MRPS27: variants seen among roughly 807,000 people sequenced by gnomAD.
MRPS27 encodes the protein mitochondrial ribosomal protein S27.
In MRPS27, 43 loss-of-function variants were observed where a neutral mutation model predicts 48.9. The observed-to-expected ratio is 0.88, with a 90% CI of 0.69 to 1.13. MRPS27 has a LOEUF of 1.13. Among genes scored for constraint, MRPS27 ranks in the 50% most tolerant of loss-of-function variants. The pLI, the probability that MRPS27 is intolerant of heterozygous loss-of-function variation, is 0.00. For synonymous variants in MRPS27, 188 were observed against 171.9 expected, an observed-to-expected ratio of 1.09 and a Z score of -0.73; for missense variants, 467 against 476.3, an observed-to-expected ratio of 0.98 and a Z score of 0.18.
intron 2 of MRPS27, among the ~76,000 whole-genome samples, chr5:72,303,673 G>T (rs1378077334): frequency 1.3e-5 from 2 of 151,964 alleles, no homozygotes; most frequent in Non-Finnish European, 2.9e-5. Context: ...ATAAAATCCA[G>T]AAAATAGAAT....
intron 4 of MRPS27, among the ~76,000 whole-genome samples, chr5:72,287,678 C>T (rs537999188): frequency 2.6e-5 from 4 of 152,194 alleles, no homozygotes; most frequent in Middle Eastern, 3.4e-3. Context: ...ACAAAAGATT[C>T]GAACACTTTA....
intron 4 of MRPS27, among the ~76,000 whole-genome samples, chr5:72,271,305 T>A (rs1183405446): frequency 1.3e-5 from 2 of 152,150 alleles, no homozygotes; most frequent in African/African-American, 4.8e-5. Flanking sequence ...TGGGTCAAGA[T>A]ACAAAAATCA....
At position 72,288,910 on chromosome 5, in the gene MRPS27, T is replaced by C. The variant is rs553858297; in HGVS notation, c.281+6621A>G. 11 of 152,364 alleles carry C rather than the reference T, an allele frequency of 7.2e-5. No homozygotes were observed. The East Asian group carries it at 1.7e-3, about 24-fold the overall frequency. The allele number at this position is 152,364 out of a possible 1,614,324, so 9.4% of individuals were successfully genotyped here. ...GCTGTTCCCTCTTAATAATCCCTCT[T>C]AATAAACTCCCACCTTCCCCTTTTC... On this transcript the variant is annotated intron_variant, in intron 4 of 10. Coordinates refer to ENST00000261413, the MANE Select transcript of MRPS27 (RefSeq NM_015084.3).
intron 4 of MRPS27, among the ~76,000 whole-genome samples, chr5:72,260,500 C>T (rs925240909): frequency 3.3e-5 from 5 of 152,098 alleles, no homozygotes; most frequent in East Asian, 3.8e-4. Context: ...TCAGCTGCTA[C>T]GGTCTAAGTC....
intron 4 of MRPS27, among the ~76,000 whole-genome samples, chr5:72,256,886 A>G (rs1748823475): frequency 6.6e-6 from 1 of 152,216 alleles, no homozygotes; most frequent in African/African-American, 2.4e-5. Flanking sequence ...ATCAGAAGAT[A>G]TATCACTATT....
chr5:72,274,933 G>A (rs1749335191), intron 4 of MRPS27, among the ~76,000 whole-genome samples: 1 of 152,126 alleles, frequency 6.6e-6, no homozygotes, highest in African/African-American at 2.4e-5. Flanking sequence ...CAGAAAGTAA[G>A]CAGAACATGG....
intron 4 of MRPS27, among the ~76,000 whole-genome samples, chr5:72,270,124 C>T (rs953480016): frequency 4.7e-5 from 7 of 150,504 alleles, no homozygotes; most frequent in East Asian, 3.9e-4. Context: ...ACCCAGGAGG[C>T]GGAGGTTACA....
intron 2 of MRPS27, among the ~76,000 whole-genome samples, chr5:72,301,166 T>C (rs778245532): frequency 6.6e-6 from 1 of 152,252 alleles, no homozygotes; most frequent in Non-Finnish European, 1.5e-5. Context: ...CCTGAGGGAT[T>C]GATCTCAATG....
chr5:72,259,783 A>C (rs541803572), intron 4 of MRPS27, among the ~76,000 whole-genome samples: 3 of 152,218 alleles, frequency 2.0e-5, no homozygotes, highest in Non-Finnish European at 4.4e-5. Context: ...TTCTCCTTAG[A>C]ATAAATTCCT....
At chr5:72,222,947 C>G (rs556010477) in intron 10 of MRPS27, among the ~76,000 whole-genome samples, 1 of 152,328 alleles carries the variant, frequency 6.6e-6, no homozygotes, top group Admixed American at 6.5e-5. Context: ...CAAAATGACA[C>G]AAGTTACACA....
intron 4 of MRPS27, among the ~76,000 whole-genome samples, chr5:72,281,088 T>A (rs1489872478): frequency 6.6e-6 from 1 of 152,194 alleles, no homozygotes; most frequent in Admixed American, 6.5e-5. Flanking sequence ...GCAGGGGTGG[T>A]GCGGATGGTT....
intron 5 of MRPS27, among the ~76,000 whole-genome samples, chr5:72,234,540 T>A (rs1318501770): frequency 6.6e-6 from 1 of 152,050 alleles, no homozygotes; most frequent in Non-Finnish European, 1.5e-5. Flanking sequence ...TCAGTGACTC[T>A]TCTTATAAAG....
At chr5:72,252,170 G>A (rs1272147878) in intron 4 of MRPS27, among the ~76,000 whole-genome samples, 1 of 152,202 alleles carries the variant, frequency 6.6e-6, no homozygotes, top group Admixed American at 6.5e-5. Context: ...AAAGACAAGG[G>A]TGAGCTGTTG....
At chr5:72,240,919 A>G (rs891296191) in intron 4 of MRPS27, among the ~76,000 whole-genome samples, 2 of 152,264 alleles carry the variant, frequency 1.3e-5, no homozygotes, top group African/African-American at 4.8e-5. Context: ...AGACACTCAG[A>G]GAAGTCTTTA....
intron 4 of MRPS27, among the ~76,000 whole-genome samples, chr5:72,244,196 T>C (rs947004589): frequency 1.3e-5 from 2 of 152,078 alleles, no homozygotes; most frequent in African/African-American, 4.8e-5. Context: ...CCTGCTAATC[T>C]AAAAAGGGTG....
At chr5:72,246,299 G>A (rs564285163) in intron 4 of MRPS27, among the ~76,000 whole-genome samples, 1 of 152,294 alleles carries the variant, frequency 6.6e-6, no homozygotes, top group East Asian at 1.9e-4. Flanking sequence ...TTTTGTACAA[G>A]GCAGGAGGAG....
chr5:72,238,408 T>C (rs112239780), intron 4 of MRPS27, among the ~76,000 whole-genome samples: 164 of 152,324 alleles, frequency 1.1e-3, no homozygotes, highest in African/African-American at 3.9e-3. Context: ...TGAAAAATGA[T>C]TTGGGAAAAA....
intron 4 of MRPS27, among the ~76,000 whole-genome samples, chr5:72,249,663 C>G (rs1397455642): frequency 2.0e-5 from 3 of 150,974 alleles, no homozygotes; most frequent in Non-Finnish European, 4.4e-5. Flanking sequence ...CCAGCCTGGG[C>G]GACAGAGCAA....
chr5:72,242,033 T>G (rs1000273362), intron 4 of MRPS27, among the ~76,000 whole-genome samples: 20 of 152,224 alleles, frequency 1.3e-4, no homozygotes, highest in African/African-American at 4.8e-4. Flanking sequence ...CTTACAATTC[T>G]GAGGAAATGT....
Sources: allele counts gnomAD v4.1 joint callset (sites outside exome capture counted in the v4.1 genomes callset), GRCh38; gene constraint gnomAD v4.1.1; transcripts MANE v1.5; gene names NCBI Gene and HGNC (gene_info 2026-07-23, HGNC 2026-07-21).